RORA: variants seen among roughly 807,000 people sequenced by gnomAD.
RORA encodes the protein RAR related orphan receptor A.
A neutral mutation model predicts 69.5 loss-of-function variants in RORA; 7 were observed. The ratio of observed to expected loss-of-function variants is 0.10; its 90% confidence interval spans 0.06 to 0.19. RORA has a LOEUF of 0.19. RORA is among the 10% of genes least tolerant of loss of function. RORA has a pLI of 1.00. For missense variants in RORA, 457 were observed against 663.0 expected (o/e 0.69, Z 3.41); for synonymous variants, 261 against 240.8 (o/e 1.08, Z -0.78).
chr15:60,685,810 G>A (rs1256057063), intron 1 of RORA, among the ~76,000 whole-genome samples: 1 of 152,126 alleles, frequency 6.6e-6, no homozygotes, highest in African/African-American at 2.4e-5. Context: ...GCAATGTTAC[G>A]ACAATCAAAC....
At chr15:60,603,725 A>G (rs2140560735) in intron 2 of RORA, among the ~76,000 whole-genome samples, 1 of 152,346 alleles carries the variant, frequency 6.6e-6, no homozygotes, top group East Asian at 1.9e-4. Context: ...CTTATGTAAC[A>G]CATTGTATTT....
intron 1 of RORA, among the ~76,000 whole-genome samples, chr15:60,700,120 A>G (rs2070962297): frequency 6.6e-6 from 1 of 152,200 alleles, no homozygotes. Flanking sequence ...GAGGACGCAC[A>G]TATTTTCTGA....
At chr15:60,675,606 G>C (rs1341958257) in intron 2 of RORA, among the ~76,000 whole-genome samples, 2 of 152,180 alleles carry the variant, frequency 1.3e-5, no homozygotes, top group African/African-American at 4.8e-5. Context: ...AGGAGAAACT[G>C]AGTTCTCCAA....
chr15:60,584,351 A>T (rs1266444958), intron 2 of RORA, among the ~76,000 whole-genome samples: 1 of 152,230 alleles, frequency 6.6e-6, no homozygotes, highest in Admixed American at 6.5e-5. Flanking sequence ...AATCATGTTC[A>T]TCCATAAGTA....
chr15:60,516,196 T>TA (rs1246047777), intron 3 of RORA, among the ~76,000 whole-genome samples: 40 of 18,018 alleles, frequency 2.2e-3, no homozygotes, highest in Admixed American at 2.8e-3. Context: ...TATATATATA[T>TA]TTATATATAT....
intron 1 of RORA, among the ~76,000 whole-genome samples, chr15:60,911,216 T>C (rs1474163268): frequency 2.0e-5 from 3 of 151,608 alleles, no homozygotes; most frequent in South Asian, 2.1e-4. Flanking sequence ...ATTACAGGCA[T>C]GAGCCACTGT....
chr15:60,876,299 T>G (rs2073613272), intron 1 of RORA, among the ~76,000 whole-genome samples: 1 of 103,224 alleles, frequency 9.7e-6, no homozygotes, highest in African/African-American at 3.8e-5. Flanking sequence ...ATTTGTGGGC[T>G]CTTACAGGAA....
chr15:60,617,777 G>C (rs1273146742), intron 2 of RORA, among the ~76,000 whole-genome samples: 7 of 152,158 alleles, frequency 4.6e-5, no homozygotes, highest in Admixed American at 1.3e-4. Flanking sequence ...GCGATGGGCA[G>C]ATTTGCCCTG....
intron 1 of RORA, among the ~76,000 whole-genome samples, chr15:60,720,416 A>C (rs1595657851): frequency 6.6e-6 from 1 of 152,198 alleles, no homozygotes; most frequent in South Asian, 2.1e-4. Context: ...CCATTGAAAA[A>C]CCCAGACTGT....
At chr15:60,593,602 C>A (rs2068600588) in intron 2 of RORA, 1 of 152,186 alleles carries the variant, frequency 6.6e-6, no homozygotes. Flanking sequence ...TCAGATGCTA[C>A]ATACCCAGAG....
chr15:60,543,087 G>A lies in RORA; in HGVS notation c.197-11236C>T, dbSNP rs72748723. Reference sequence around the variant, plus strand: ...CTGCGTGACTGGGCACCAAGGACACGGAAAGGATACACAGAACCCACCAGC... The same window carrying A: ...CTGCGTGACTGGGCACCAAGGACACAGAAAGGATACACAGAACCCACCAGC... On this transcript the variant is annotated intron_variant, in intron 2 of 10. Coordinates refer to ENST00000335670, the MANE Select transcript of RORA (RefSeq NM_134261.3). Among the ~76,000 whole-genome samples the A allele has an allele frequency of 6.7e-3, 996 of 149,370 alleles. 15 individuals are homozygous for A. Among genetic ancestry groups the A allele is most frequent in the Admixed American group, 0.011 (163 of 14,900 alleles).
intron 1 of RORA, among the ~76,000 whole-genome samples, chr15:60,753,652 T>A (rs1308877862): frequency 6.6e-6 from 1 of 152,254 alleles, no homozygotes. Context: ...GCAATGAGAT[T>A]GAAATCCAAA....
intron 1 of RORA, among the ~76,000 whole-genome samples, chr15:61,017,046 T>A (rs1357890451): frequency 1.3e-5 from 2 of 152,194 alleles, no homozygotes; most frequent in East Asian, 3.8e-4. Flanking sequence ...TTGATTACCA[T>A]TACAGTTAAA....
chr15:60,849,070 CCCAGCTCCTCTATT>C (rs2073297185), intron 1 of RORA: 1 of 152,206 alleles, frequency 6.6e-6, no homozygotes, highest in Admixed American at 6.5e-5. Flanking sequence ...CCACCCATGC[CCCAGCTCCTCTATT>C]CCATCCTTCT....
At chr15:60,698,632 T>TTG (rs2070939476) in intron 1 of RORA, among the ~76,000 whole-genome samples, 2 of 15,634 alleles carry the variant, frequency 1.3e-4, no homozygotes, top group African/African-American at 2.1e-4. Flanking sequence ...GCATTTGTGT[T>TTG]TTTTTTTTTT....
intron 1 of RORA, among the ~76,000 whole-genome samples, chr15:61,059,979 A>G (rs2078153942): frequency 7.8e-6 from 1 of 127,912 alleles, no homozygotes; most frequent in Non-Finnish European, 1.6e-5. Flanking sequence ...AGGAAGAGGA[A>G]GAGGAAGAGG....
chr15:61,138,687 C>A (rs911891748), intron 1 of RORA, among the ~76,000 whole-genome samples: 5 of 152,060 alleles, frequency 3.3e-5, no homozygotes, highest in African/African-American at 1.2e-4. Flanking sequence ...GTCTAGGCTG[C>A]ATTCTGTGGA....
chr15:60,511,405 G>C lies in RORA; in HGVS notation c.641C>G (p.Ala214Gly), dbSNP rs1567046591. The change falls in exon 5 of 11, where the codon GCA becomes GGA. Residue 214 changes from alanine (A) to glycine (G), a missense_variant. By Grantham distance (60) the Ala-to-Gly change is moderately conservative. Around this residue, in one of 3 missense-constraint regions of RORA, gnomAD observed 304 missense variants for 447.4 expected, o/e 0.68. Transcript: ENST00000335670. The surrounding 1 kb of genome is among the most constrained non-coding windows in gnomAD (Gnocchi z 6.4). ...IDGHTPEGSK[A>G]DSAVSSFYLD... is the part of the protein sequence containing the mutation. ...GTAGAAGCTGCTGACGGCGGAGTCT[G>C]CCTTACTCCCCTCAGGGGTGTGCCC... 7 of 1,614,210 alleles carry C rather than the reference G, an allele frequency of 4.3e-6. No homozygotes were observed. Among genetic ancestry groups the C allele is most frequent in the East Asian group, 2.2e-5 (1 of 44,880 alleles).
chr15:60,538,135 G>T (rs1311115473), intron 2 of RORA, among the ~76,000 whole-genome samples: 1 of 152,138 alleles, frequency 6.6e-6, no homozygotes, highest in Non-Finnish European at 1.5e-5. Context: ...GAGACTTGGT[G>T]TCTCTTTCCT....
Sources: gnomAD v4.1 joint callset for allele counts (sites outside exome capture counted in the v4.1 genomes callset) on GRCh38, gnomAD v4.1.1 for gene constraint, gnomAD v4.1.1 regional missense constraint, Gnocchi (gnomAD v3.1) non-coding constraint, MANE v1.5 for transcripts, NCBI Gene and HGNC (gene_info 2026-07-23, HGNC 2026-07-21) for gene names.